Variants in PDE10A observed in about 807,000 individuals in gnomAD.
PDE10A encodes cAMP and cAMP-inhibited cGMP 3',5'-cyclic phosphodiesterase 10A.
Under a neutral mutation model 97.7 loss-of-function variants are expected in PDE10A, and 39 were observed. The observed-to-expected ratio is 0.40, with a 90% CI of 0.31 to 0.52. The LOEUF (loss-of-function observed/expected upper bound fraction) is 0.52. PDE10A is among the 20% of genes least tolerant of loss of function. The pLI is 0.56. For missense variants in PDE10A, 731 were observed against 1,047.8 expected (o/e 0.70, Z 4.17); for synonymous variants, 371 against 376.8 (o/e 0.98, Z 0.18).
chr6:165,665,017 A>G (rs1790462574), upstream of PDE10A, among the ~76,000 whole-genome samples: 1 of 152,196 alleles, frequency 6.6e-6, no homozygotes, highest in Admixed American at 6.5e-5. Context: ...TAAAATTTTC[A>G]TTAACCCTTT....
intron 1 of PDE10A, among the ~76,000 whole-genome samples, chr6:165,580,512 C>T (rs1012019384): frequency 2.6e-5 from 4 of 152,232 alleles, no homozygotes; most frequent in Non-Finnish European, 4.4e-5. Context: ...TCTGAAACAT[C>T]GATCAGCCGT....
At chr6:165,763,421 C>G (rs556775099) in intron 1 of PDE10A, among the ~76,000 whole-genome samples, 1 of 152,158 alleles carries the variant, frequency 6.6e-6, no homozygotes, top group African/African-American at 2.4e-5. Flanking sequence ...CTCCCGGGTT[C>G]AAGCGATTCT....
chr6:165,663,865 T>C (rs1282928670), upstream of PDE10A, among the ~76,000 whole-genome samples: 3 of 152,142 alleles, frequency 2.0e-5, no homozygotes, highest in Non-Finnish European at 4.4e-5. Context: ...CCCCCTTCCG[T>C]AGCCATGAAT....
At chr6:165,569,079 A>G (rs1784927117) in intron 1 of PDE10A, among the ~76,000 whole-genome samples, 1 of 152,250 alleles carries the variant, frequency 6.6e-6, no homozygotes, top group Admixed American at 6.5e-5. Context: ...TCATCAAATA[A>G]TTCTTTAATA....
chr6:165,608,514 T>C (rs565724089), intron 1 of PDE10A, among the ~76,000 whole-genome samples: 1 of 152,324 alleles, frequency 6.6e-6, no homozygotes, highest in East Asian at 1.9e-4. Flanking sequence ...TCTATCATTG[T>C]TGGACATTTG....
chr6:165,694,996 G>A (rs547980870), intron 1 of PDE10A, among the ~76,000 whole-genome samples: 1 of 152,268 alleles, frequency 6.6e-6, no homozygotes, highest in African/African-American at 2.4e-5. Flanking sequence ...TGAAAATGAA[G>A]TCAATGGAAA....
intron 1 of PDE10A, among the ~76,000 whole-genome samples, chr6:165,941,131 C>T (rs1278035709): frequency 2.0e-5 from 3 of 152,166 alleles, no homozygotes; most frequent in Admixed American, 6.5e-5. Context: ...GTTACTGATA[C>T]TTCTAGGTTC....
intron 13 of PDE10A, among the ~76,000 whole-genome samples, chr6:165,402,725 A>T (rs1237940732): frequency 1.3e-5 from 2 of 152,218 alleles, no homozygotes; most frequent in Non-Finnish European, 2.9e-5. Context: ...TGGAAACAGG[A>T]CTGTAAGAGC....
At chr6:165,755,329 T>C (rs1562720217) in intron 1 of PDE10A, among the ~76,000 whole-genome samples, 1 of 152,162 alleles carries the variant, frequency 6.6e-6, no homozygotes, top group Non-Finnish European at 1.5e-5. Flanking sequence ...AAATAGCACT[T>C]GCGCGTTTTC....
At chr6:165,382,744 T>TGAA (rs1331421061) in intron 17 of PDE10A, among the ~76,000 whole-genome samples, 2 of 151,832 alleles carry the variant, frequency 1.3e-5, no homozygotes, top group Non-Finnish European at 2.9e-5. Context: ...TGATTGATGA[T>TGAA]GATGATGATG....
chr6:165,783,916 G>A, intron 1 of PDE10A, among the ~76,000 whole-genome samples: 1 of 152,156 alleles, frequency 6.6e-6, no homozygotes, highest in East Asian at 1.9e-4. Flanking sequence ...GTGAGAAGCG[G>A]CTATGAAAAG....
chr6:165,332,695 C>T lies in PDE10A; in HGVS notation c.*330G>A. 1 of 279,858 alleles carries T rather than the reference C, an allele frequency of 3.6e-6. No individual in the cohort carries two copies. The highest frequency in any genetic ancestry group is 8.3e-5 in the East Asian group (1 of 12,118). The allele number at this position is 279,858 out of a possible 1,614,324, so 17.3% of individuals were successfully genotyped here. A position where few individuals can be genotyped will look rare whatever the true frequency, so the allele number is the denominator to read the frequency against. The stretch of plus-strand genomic sequence containing the variant: ...AGAAAGATACAATGGAAAAGTACCC[C>T]TTCTGGATAATTTTTGTCCATTTCC... On this transcript the variant is annotated 3_prime_UTR_variant, in exon 22 of 22. Transcript: ENST00000539869.
rs752359832 is a variant in PDE10A, at chr6:165,655,557, G to T, written c.865+6390C>A. ...ACCTCCAAACACCTCCTGAACCACC[G>T]CGGCATTTTGCTTCTACCATCATCG... is the stretch of plus-strand genomic sequence containing the variant. On this transcript the variant is annotated intron_variant, in intron 1 of 21. Coordinates refer to ENST00000539869, the MANE Select transcript of PDE10A (RefSeq NM_001385079.1). This position sits in a 1 kb window ranked among gnomAD's most constrained non-coding sequence, Gnocchi z 4.5. Among the ~76,000 whole-genome samples, 1 of 151,864 alleles carries T rather than the reference G, an allele frequency of 6.6e-6. No homozygotes were observed. Among genetic ancestry groups the T allele is most frequent in the South Asian group, 2.1e-4 (1 of 4,810 alleles).
At chr6:165,985,091 G>A (rs924010026) in intron 1 of PDE10A, among the ~76,000 whole-genome samples, 4 of 152,234 alleles carry the variant, frequency 2.6e-5, no homozygotes. Context: ...CGAGGCCACA[G>A]AGCTGGGCTG....
chr6:165,971,363 C>A (rs749977240), intron 1 of PDE10A, among the ~76,000 whole-genome samples: 31 of 152,262 alleles, frequency 2.0e-4, no homozygotes, highest in Admixed American at 3.3e-4. Context: ...TGATTCACTC[C>A]CTTCCAGAAA....
At chr6:165,765,528 G>T (rs974431921) in intron 1 of PDE10A, among the ~76,000 whole-genome samples, 1 of 152,268 alleles carries the variant, frequency 6.6e-6, no homozygotes, top group African/African-American at 2.4e-5. Flanking sequence ...GCTGGCCCGG[G>T]TGCTAAGTCC....
At chr6:165,986,695 G>A (rs1410675578) in intron 1 of PDE10A, 1 of 152,118 alleles carries the variant, frequency 6.6e-6, no homozygotes, top group Admixed American at 6.6e-5. Context: ...ATTTGGGGGG[G>A]CGATGGGGTG....
chr6:165,941,186 T>C (rs1031567096), intron 1 of PDE10A, among the ~76,000 whole-genome samples: 13 of 152,182 alleles, frequency 8.5e-5, no homozygotes, highest in African/African-American at 3.1e-4. Context: ...ACACACCCCA[T>C]AGGGTTGTTG....
At chr6:165,656,393 C>G (rs1401096712) in intron 1 of PDE10A, among the ~76,000 whole-genome samples, 1 of 151,644 alleles carries the variant, frequency 6.6e-6, no homozygotes, top group Non-Finnish European at 1.5e-5. Flanking sequence ...CTGCTTGTAT[C>G]TCTCCCGACC....
Sources: allele counts gnomAD v4.1 joint callset (sites outside exome capture counted in the v4.1 genomes callset), GRCh38; gene constraint gnomAD v4.1.1; non-coding constraint Gnocchi (gnomAD v3.1); transcripts MANE v1.5; gene names NCBI Gene and HGNC (gene_info 2026-07-23, HGNC 2026-07-21).